Variants in PITPNC1 observed in about 807,000 individuals in gnomAD.
The protein encoded by PITPNC1 is cytoplasmic phosphatidylinositol transfer protein 1.
A neutral mutation model predicts 44.7 loss-of-function variants in PITPNC1; 18 were observed. That is an observed-to-expected ratio of 0.40 (90% CI 0.28 to 0.60). The LOEUF is 0.60. Among genes scored for constraint, PITPNC1 ranks in the 20% least tolerant of loss-of-function variants. The pLI, the probability that PITPNC1 is intolerant of heterozygous loss-of-function variation, is 0.39. For synonymous variants in PITPNC1, 141 were observed against 149.6 expected, an observed-to-expected ratio of 0.94 and a Z score of 0.42; for missense variants, 290 against 418.4, an observed-to-expected ratio of 0.69 and a Z score of 2.68.
chr17:67,389,914 C>T (rs1195695201), intron 1 of PITPNC1, among the ~76,000 whole-genome samples: 2 of 152,032 alleles, frequency 1.3e-5, no homozygotes, highest in African/African-American at 2.4e-5. Flanking sequence ...CTCCTGACCT[C>T]GTGATCCACC....
intron 5 of PITPNC1, among the ~76,000 whole-genome samples, chr17:67,588,790 T>G (rs1017203595): frequency 2.3e-4 from 35 of 152,278 alleles, no homozygotes; most frequent in African/African-American, 7.5e-4. Flanking sequence ...AAAGCAGGAG[T>G]GCCAGTGGGA....
At chr17:67,383,097 G>A (rs1030979708) in intron 1 of PITPNC1, among the ~76,000 whole-genome samples, 2 of 151,928 alleles carry the variant, frequency 1.3e-5, no homozygotes, top group South Asian at 4.2e-4. Context: ...CCGAGTTCAA[G>A]AGATTCTCCT....
chr17:67,615,602 G>A (rs895786663), intron 5 of PITPNC1, among the ~76,000 whole-genome samples: 1 of 152,130 alleles, frequency 6.6e-6, no homozygotes, highest in Non-Finnish European at 1.5e-5. Flanking sequence ...GAAGGATGAG[G>A]ATCAAATTCA....
At chr17:67,392,263 C>G (rs918171062) in intron 1 of PITPNC1, among the ~76,000 whole-genome samples, 4 of 152,144 alleles carry the variant, frequency 2.6e-5, no homozygotes, top group African/African-American at 4.8e-5. Context: ...GTGTACTATT[C>G]AGAGTTATAG....
At position 67,425,260 on chromosome 17, in the gene PITPNC1, CACAG is replaced by C. The variant is rs1225987440; in HGVS notation, c.48+47060_48+47063del. Among the ~76,000 whole-genome samples, 1,141 of 121,608 alleles carry C rather than the reference CACAG, an allele frequency of 9.4e-3. 31 individuals are homozygous for C. The highest frequency in any genetic ancestry group is 0.035 in the Middle Eastern group (7 of 198). The allele number at this position is 121,608 out of a possible 152,430, so 79.8% of individuals were successfully genotyped here. ...ACACACACACACACACACACACACA[CACAG>C]AGGGAGAGAGAGAGAGAAATGACCT... On this transcript the variant is annotated intron_variant, in intron 1 of 8. Coordinates refer to ENST00000581322, the MANE Select transcript of PITPNC1 (RefSeq NM_012417.4).
chr17:67,454,005 T>C (rs921275148), intron 1 of PITPNC1, among the ~76,000 whole-genome samples: 1 of 151,984 alleles, frequency 6.6e-6, no homozygotes, highest in Non-Finnish European at 1.5e-5. Flanking sequence ...ATCGCCAGCA[T>C]TTTGGGAGGC....
In PITPNC1 at chr17:67,378,175, G is replaced by A. The variant is rs770704029; in HGVS notation, c.21G>A (p.Arg7=). The A allele has an allele frequency of 1.3e-6, 2 of 1,549,198 alleles. No homozygotes were observed. Among genetic ancestry groups the A allele is most frequent in the African/African-American group, 1.4e-5 (1 of 70,216 alleles). The change falls in exon 1 of 9, where the codon CGG becomes CGA. Residue 7 remains arginine (R), a synonymous_variant. Coordinates refer to ENST00000581322, the MANE Select transcript of PITPNC1 (RefSeq NM_012417.4). ...GGACCATGCTGCTGAAAGAGTACCG[G>A]ATCTGCATGCCGCTCACCGTAGACG... is the stretch of plus-strand genomic sequence containing the variant. The part of the protein sequence containing the change: MLLKEY[R]ICMPLTVDEY...
At chr17:67,526,952 T>C (rs1274442616) in intron 1 of PITPNC1, among the ~76,000 whole-genome samples, 2 of 152,194 alleles carry the variant, frequency 1.3e-5, no homozygotes, top group Non-Finnish European at 2.9e-5. Flanking sequence ...GCTGTTCTGA[T>C]GATAACTCAC....
At chr17:67,386,316 C>G (rs756090410) in intron 1 of PITPNC1, among the ~76,000 whole-genome samples, 9 of 152,174 alleles carry the variant, frequency 5.9e-5, no homozygotes, top group Non-Finnish European at 1.2e-4. Flanking sequence ...CCTCAGCCTC[C>G]CGACTAGCTG....
Position 67,669,490 on chromosome 17 carries a change from TG to T in PITPNC1, c.463-17del. The stretch of plus-strand genomic sequence containing the variant: ...CAAACTTTTAATATATCAATTTCTT[TG>T]ATTTTTTTTTTTCTAGGATCCTAAG... On this transcript the variant is annotated splice_polypyrimidine_tract_variant and intron_variant, in intron 6 of 8. Transcript: ENST00000581322. 6.9e-7 allele frequency: 1 copy of T among 1,446,024 alleles called. No individual in the cohort carries two copies. The highest frequency in any genetic ancestry group is 2.1e-4 in the Middle Eastern group (1 of 4,712). The allele number at this position is 1,446,024 out of a possible 1,614,324, so 89.6% of individuals were successfully genotyped here.
In PITPNC1 at chr17:67,658,483, G is replaced by C. The variant is rs552989785; in HGVS notation, c.463-11025G>C. On this transcript the variant is annotated intron_variant, in intron 6 of 8. Coordinates refer to ENST00000581322, the MANE Select transcript of PITPNC1 (RefSeq NM_012417.4). Reference sequence around the variant, plus strand: ...ATATTAGGGGACTTTCCCACTTTGGGATAGGTAACCACCCCACCCCCAGTA... The same window carrying C: ...ATATTAGGGGACTTTCCCACTTTGGCATAGGTAACCACCCCACCCCCAGTA... 7.8e-4 allele frequency among the ~76,000 whole-genome samples: 119 copies of C among 152,258 alleles called. 2 individuals carry two copies. The South Asian group carries it at 0.02, about 25-fold the overall frequency.
At chr17:67,397,399 GGCC>G (rs1215262707) in intron 1 of PITPNC1, among the ~76,000 whole-genome samples, 1 of 152,118 alleles carries the variant, frequency 6.6e-6, no homozygotes, top group Non-Finnish European at 1.5e-5. Context: ...TCTCCAGAAT[GGCC>G]ACCTCAGTGC....
chr17:67,430,090 C>T (rs2038833420), intron 1 of PITPNC1, among the ~76,000 whole-genome samples: 1 of 152,264 alleles, frequency 6.6e-6, no homozygotes, highest in East Asian at 1.9e-4. Flanking sequence ...AAAGAGGAAT[C>T]TCAGAGGTAT....
At chr17:67,471,950 T>C (rs1363972391) in intron 1 of PITPNC1, among the ~76,000 whole-genome samples, 1 of 152,130 alleles carries the variant, frequency 6.6e-6, no homozygotes, top group Non-Finnish European at 1.5e-5. Flanking sequence ...CTCTCCTTGT[T>C]TTTTTATGAC....
At chr17:67,579,888 G>A (rs2041206124) in intron 5 of PITPNC1, among the ~76,000 whole-genome samples, 2 of 150,868 alleles carry the variant, frequency 1.3e-5, no homozygotes, top group South Asian at 2.1e-4. Flanking sequence ...TGCAGTGAGC[G>A]CAGATCGCGC....
At chr17:67,623,264 C>T (rs747255825) in intron 5 of PITPNC1, among the ~76,000 whole-genome samples, 1 of 152,192 alleles carries the variant, frequency 6.6e-6, no homozygotes, top group East Asian at 1.9e-4. Flanking sequence ...CTTGTATCCT[C>T]AGTAGCTTGT....
chr17:67,452,853 C>A lies in PITPNC1; in HGVS notation c.48+74651C>A, dbSNP rs530935677. On this transcript the variant is annotated intron_variant, in intron 1 of 8. Transcript: ENST00000581322. ...TGCCAGGCTGTTTTCCAAAGTAGTTCTTGCATTTTTTTACTCTCACTAGCA... is the reference window on the plus strand; with the variant it reads ...TGCCAGGCTGTTTTCCAAAGTAGTTATTGCATTTTTTTACTCTCACTAGCA... Among the ~76,000 whole-genome samples the A allele has an allele frequency of 3.3e-5, 5 of 152,250 alleles. No homozygotes were observed. The South Asian group carries it at 1.0e-3, about 32-fold the overall frequency.
At chr17:67,575,879 CTT>C (rs1209977482) in intron 4 of PITPNC1, among the ~76,000 whole-genome samples, 2 of 15,904 alleles carry the variant, frequency 1.3e-4, no homozygotes, top group African/African-American at 1.6e-4. Flanking sequence ...TCTTTCTTTC[CTT>C]TTTTTTTTTT....
At chr17:67,499,648 C>G (rs146830736) in intron 1 of PITPNC1, among the ~76,000 whole-genome samples, 20 of 152,306 alleles carry the variant, frequency 1.3e-4, no homozygotes, top group African/African-American at 3.6e-4. Context: ...AAGGAAAGAT[C>G]GCATATATGA....
Sources: gnomAD v4.1 joint callset for allele counts (sites outside exome capture counted in the v4.1 genomes callset) on GRCh38, gnomAD v4.1.1 for gene constraint, MANE v1.5 for transcripts, NCBI Gene and HGNC (gene_info 2026-07-23, HGNC 2026-07-21) for gene names.